The following TOP6BL variants were observed in gnomAD, a reference collection of about 807,000 sequenced individuals.
TOP6BL encodes TOP6B like initiator of meiotic double strand breaks.
the TOP6BL span, among the ~76,000 whole-genome samples, chr11:66,814,968 T>C: frequency 1.2e-4 from 18 of 151,612 alleles, no homozygotes; most frequent in African/African-American, 3.9e-4. Context: ...CTAGGAGGGG[T>C]TGCAGTTTTG....
the TOP6BL span, chr11:66,814,054 T>G: frequency 6.4e-7 from 1 of 1,562,500 alleles, no homozygotes; most frequent in Non-Finnish European, 8.8e-7. Context: ...TTAAGACATT[T>G]GAAGAATATT....
At chr11:66,749,066 T>G in the TOP6BL span, among the ~76,000 whole-genome samples, 2 of 151,310 alleles carry the variant, frequency 1.3e-5, no homozygotes, top group African/African-American at 4.9e-5. Context: ...GTGTGTGTGG[T>G]GTGTGTGTGT....
chr11:66,815,938 G>A, the TOP6BL span: 69 of 1,083,914 alleles, frequency 6.4e-5, no homozygotes, highest in Non-Finnish European at 8.9e-5. Flanking sequence ...TGGGTGTTCA[G>A]ATTTAGATCT....
the TOP6BL span, among the ~76,000 whole-genome samples, chr11:66,829,463 T>C: frequency 1.3e-5 from 2 of 151,770 alleles, no homozygotes; most frequent in Non-Finnish European, 1.5e-5. Context: ...TAATCCCAGC[T>C]ACTTAGGAGG....
At chr11:66,811,391 C>T in the TOP6BL span, among the ~76,000 whole-genome samples, 1 of 152,190 alleles carries the variant, frequency 6.6e-6, no homozygotes, top group Non-Finnish European at 1.5e-5. Context: ...AGGGTTTCGC[C>T]ATGTTGGCCA....
chr11:66,843,105 C>G, the TOP6BL span: 2 of 1,596,568 alleles, frequency 1.3e-6, no homozygotes, highest in East Asian at 4.5e-5. Context: ...AAGGGCTCAG[C>G]AGGAGGTGCA....
chr11:66,842,128 A>T, the TOP6BL span, among the ~76,000 whole-genome samples: 2 of 151,670 alleles, frequency 1.3e-5, no homozygotes, highest in Non-Finnish European at 2.9e-5. Flanking sequence ...GCTTGAGCCC[A>T]GGAGGTCGAG....
chr11:66,747,630 C>G, the TOP6BL span, among the ~76,000 whole-genome samples: 1 of 152,100 alleles, frequency 6.6e-6, no homozygotes, highest in Non-Finnish European at 1.5e-5. Context: ...AGGTCACATG[C>G]TAGAATTTGG....
At chr11:66,744,844 G>A in the TOP6BL span, 1 of 1,319,704 alleles carries the variant, frequency 7.6e-7, no homozygotes, top group Non-Finnish European at 9.7e-7. Flanking sequence ...CGGCGGCGGC[G>A]GGCGGGTACC....
At chr11:66,803,907 A>G in the TOP6BL span, 1 of 1,086,232 alleles carries the variant, frequency 9.2e-7, no homozygotes. Context: ...TACATATGCT[A>G]GAGGTTACAA....
At chr11:66,804,941 C>T in the TOP6BL span, among the ~76,000 whole-genome samples, 1 of 152,132 alleles carries the variant, frequency 6.6e-6, no homozygotes, top group Non-Finnish European at 1.5e-5. Context: ...GTGGCAGGCG[C>T]CTGTAATCCC....
the TOP6BL span, among the ~76,000 whole-genome samples, chr11:66,801,429 G>A: frequency 6.6e-6 from 1 of 152,212 alleles, no homozygotes; most frequent in Admixed American, 6.5e-5. Context: ...TTCTTGGCTA[G>A]AGAGATAGTA....
chr11:66,828,691 T>C, the TOP6BL span: 1 of 184,034 alleles, frequency 5.4e-6, no homozygotes, highest in South Asian at 1.4e-4. Context: ...TTAATTTCTC[T>C]TATTTATTCA....
the TOP6BL span, among the ~76,000 whole-genome samples, chr11:66,781,965 C>A: frequency 3.3e-5 from 5 of 152,118 alleles, no homozygotes; most frequent in African/African-American, 4.8e-5. Context: ...TTATCTATCT[C>A]TGGAGAGTAT....
At chr11:66,827,930 A>C in the TOP6BL span, among the ~76,000 whole-genome samples, 1 of 136,022 alleles carries the variant, frequency 7.4e-6, no homozygotes, top group African/African-American at 2.8e-5. Flanking sequence ...GTGCCACTGC[A>C]CTCCAGCCTG....
the TOP6BL span, among the ~76,000 whole-genome samples, chr11:66,789,234 C>T: frequency 6.6e-6 from 1 of 152,170 alleles, no homozygotes; most frequent in Non-Finnish European, 1.5e-5. Context: ...ACTCCCAGTG[C>T]AGATCCTACC....
At chr11:66,749,826 C>CAGGCACCCGCCACCACG in the TOP6BL span, among the ~76,000 whole-genome samples, 1 of 152,144 alleles carries the variant, frequency 6.6e-6, no homozygotes, top group African/African-American at 2.4e-5. Context: ...GATCCACCTG[C>CAGGCACCCGCCACCACG]CTCTGCCTCC....
chr11:66,797,018 G>A, the TOP6BL span, among the ~76,000 whole-genome samples: 1 of 139,696 alleles, frequency 7.2e-6, no homozygotes, highest in African/African-American at 2.6e-5. Flanking sequence ...TTTTTTTTTT[G>A]AGACAGAGTC....
chr11:66,833,074 G>T, the TOP6BL span, among the ~76,000 whole-genome samples: 12 of 125,010 alleles, frequency 9.6e-5, no homozygotes, highest in Non-Finnish European at 1.4e-4. Flanking sequence ...TTGACACCGA[G>T]TCTTGCTCTG....
Sources: allele counts gnomAD v4.1 joint callset (sites outside exome capture counted in the v4.1 genomes callset), GRCh38; gene constraint gnomAD v4.1.1; transcripts MANE v1.5; gene names NCBI Gene and HGNC (gene_info 2026-07-23, HGNC 2026-07-21).